IMMP2L: variants seen among roughly 807,000 people sequenced by gnomAD.
IMMP2L encodes mitochondrial inner membrane protease subunit 2.
In IMMP2L, 18 loss-of-function variants were observed where a neutral mutation model predicts 19.3. The ratio of observed to expected loss-of-function variants is 0.93; its 90% CI spans 0.64 to 1.38. The LOEUF is 1.38. Ranked by LOEUF, IMMP2L falls within the 40% of genes most tolerant of loss-of-function variation. IMMP2L has a pLI of 0.00. For synonymous variants in IMMP2L, 76 were observed against 73.0 expected (o/e 1.04, Z -0.21); for missense variants, 233 against 218.2 (o/e 1.07, Z -0.43).
At position 111,173,159 on chromosome 7, in the gene IMMP2L, C is replaced by T. The variant is rs762783574; in HGVS notation, c.240-209594G>A. Among the ~76,000 whole-genome samples the T allele has an allele frequency of 6.5e-4, 98 of 151,486 alleles. 3 individuals carry two copies. Among genetic ancestry groups the T allele is most frequent in the Non-Finnish European group, 5.0e-4 (34 of 67,648 alleles). On this transcript the variant is annotated intron_variant, in intron 3 of 5. Transcript: ENST00000405709. ...CATTAATATTACTACTGAAGTGTTG[C>T]AGTCATTGGAAGATTTTTAATAACT...
chr7:111,415,959 T>G (rs2131558722), intron 3 of IMMP2L, among the ~76,000 whole-genome samples: 1 of 151,986 alleles, frequency 6.6e-6, no homozygotes, highest in Non-Finnish European at 1.5e-5. Context: ...CCTAAATTTC[T>G]GAAAAGAGAT....
chr7:111,074,412 T>C (rs1486600605), intron 3 of IMMP2L, among the ~76,000 whole-genome samples: 1 of 152,214 alleles, frequency 6.6e-6, no homozygotes, highest in Non-Finnish European at 1.5e-5. Flanking sequence ...CTAGCAATGC[T>C]GAAAAAGCCT....
intron 5 of IMMP2L, among the ~76,000 whole-genome samples, chr7:110,722,020 G>T (rs190709058): frequency 5.3e-5 from 8 of 152,222 alleles, no homozygotes; most frequent in South Asian, 4.1e-4. Context: ...TGGCAAGACT[G>T]ATGAAGGTTT....
At chr7:111,499,447 C>G (rs190336653) in intron 2 of IMMP2L, among the ~76,000 whole-genome samples, 8 of 152,192 alleles carry the variant, frequency 5.3e-5, no homozygotes, top group African/African-American at 1.9e-4. Flanking sequence ...GGATTCATAT[C>G]CGTTAATTCA....
chr7:111,067,440 G>A (rs1196916046), intron 3 of IMMP2L, among the ~76,000 whole-genome samples: 3 of 152,208 alleles, frequency 2.0e-5, no homozygotes, highest in African/African-American at 7.2e-5. Context: ...GAGGCAGACG[G>A]GAGGGAGAAC....
At chr7:110,878,053 C>G (rs1327149962) in intron 5 of IMMP2L, among the ~76,000 whole-genome samples, 1 of 152,158 alleles carries the variant, frequency 6.6e-6, no homozygotes, top group Non-Finnish European at 1.5e-5. Context: ...GACAAGCTTT[C>G]TCAGCTTGGA....
At chr7:111,126,636 A>G (rs962179871) in intron 3 of IMMP2L, among the ~76,000 whole-genome samples, 1 of 152,148 alleles carries the variant, frequency 6.6e-6, no homozygotes, top group African/African-American at 2.4e-5. Context: ...AAAATCTTAT[A>G]TAGGGAATAT....
At chr7:110,676,705 T>G (rs1792324202) in intron 5 of IMMP2L, among the ~76,000 whole-genome samples, 1 of 152,176 alleles carries the variant, frequency 6.6e-6, no homozygotes, top group Non-Finnish European at 1.5e-5. Context: ...TAATCACTGA[T>G]GATATACCAC....
intron 3 of IMMP2L, among the ~76,000 whole-genome samples, chr7:111,147,680 C>T (rs214841): frequency 0.051 from 7,745 of 152,076 alleles, 367 homozygotes; most frequent in African/African-American, 0.12. Context: ...CTCTAGCCCT[C>T]CATAGACAGA....
chr7:111,544,083 TTA>T (rs1486688201), intron 1 of IMMP2L, among the ~76,000 whole-genome samples: 1 of 152,086 alleles, frequency 6.6e-6, no homozygotes, highest in Admixed American at 6.6e-5. Context: ...AAGGATGAGT[TTA>T]TGTCCTTTGT....
rs376864629 is a variant in IMMP2L at position 111,207,534 on chromosome 7, G to GTTTTTTTT, written c.240-243977_240-243970dup. ...TTCTTTCTTTTTCGTTTTATTTTTG[G>GTTTTTTTT]TTTTTTTTTTTTTTTTTTTTTTTGA... On this transcript the variant is annotated intron_variant, in intron 3 of 5. Transcript: ENST00000405709. 6.9e-4 allele frequency among the ~76,000 whole-genome samples: 62 copies of GTTTTTTTT among 90,102 alleles called. 1 individual carries two copies. The highest frequency in any genetic ancestry group is 1.5e-3 in the South Asian group (3 of 1,956). 59.1% of individuals were successfully genotyped at this position (90,102 alleles called of 152,430 possible). A position where few individuals can be genotyped will look rare whatever the true frequency, so the allele number is the denominator to read the frequency against.
chr7:111,201,783 G>A (rs1439901447), intron 3 of IMMP2L, among the ~76,000 whole-genome samples: 3 of 151,908 alleles, frequency 2.0e-5, no homozygotes, highest in South Asian at 2.1e-4. Flanking sequence ...TGAGGGCTCC[G>A]CCCTCATGAA....
intron 3 of IMMP2L, among the ~76,000 whole-genome samples, chr7:111,446,066 A>C (rs1212730889): frequency 1.3e-5 from 2 of 151,928 alleles, no homozygotes; most frequent in Non-Finnish European, 2.9e-5. Flanking sequence ...ACGCCCACGG[A>C]ATCTCGCTGA....
At chr7:111,179,193 T>C (rs937981707) in intron 3 of IMMP2L, among the ~76,000 whole-genome samples, 1 of 151,786 alleles carries the variant, frequency 6.6e-6, no homozygotes, top group African/African-American at 2.4e-5. Flanking sequence ...TGAGCAGTAA[T>C]ATTTTGAAAA....
chr7:111,135,619 CATT>C (rs1802261475), intron 3 of IMMP2L, among the ~76,000 whole-genome samples: 1 of 152,128 alleles, frequency 6.6e-6, no homozygotes, highest in African/African-American at 2.4e-5. Context: ...CATGATGCCA[CATT>C]ATTATTTTAA....
At chr7:110,682,085 A>G (rs983716537) in intron 5 of IMMP2L, among the ~76,000 whole-genome samples, 6 of 152,144 alleles carry the variant, frequency 3.9e-5, no homozygotes, top group Non-Finnish European at 8.8e-5. Context: ...TTCATTTCTC[A>G]GCACTCATCA....
At chr7:110,891,957 T>C (rs543123919) in intron 4 of IMMP2L, among the ~76,000 whole-genome samples, 5 of 152,186 alleles carry the variant, frequency 3.3e-5, no homozygotes, top group Non-Finnish European at 7.4e-5. Flanking sequence ...TTTGAAGAGA[T>C]AGTGGTAGAG....
chr7:111,243,431 G>C (rs886201414), intron 3 of IMMP2L, among the ~76,000 whole-genome samples: 1 of 151,370 alleles, frequency 6.6e-6, no homozygotes, highest in African/African-American at 2.4e-5. Flanking sequence ...AGGTTTTCCA[G>C]TCCTTCATGT....
At chr7:111,282,118 C>A (rs1421272089) in intron 3 of IMMP2L, among the ~76,000 whole-genome samples, 1 of 151,974 alleles carries the variant, frequency 6.6e-6, no homozygotes, top group Non-Finnish European at 1.5e-5. Context: ...TAAAACATAG[C>A]CTCATAAAGC....
Sources: gnomAD v4.1 joint callset for allele counts (sites outside exome capture counted in the v4.1 genomes callset) on GRCh38, gnomAD v4.1.1 for gene constraint, MANE v1.5 for transcripts, NCBI Gene and HGNC (gene_info 2026-07-23, HGNC 2026-07-21) for gene names.